The following TERB2 variants were observed in gnomAD, a reference collection of about 807,000 sequenced individuals.
The protein encoded by TERB2 is telomere repeats-binding bouquet formation protein 2.
TERB2 carries 26 observed loss-of-function variants against 29.8 expected under a neutral mutation model. The ratio of observed to expected loss-of-function variants is 0.87; its 90% CI spans 0.64 to 1.21. The LOEUF (loss-of-function observed/expected upper bound fraction) is 1.21. Among genes scored for constraint, TERB2 ranks in the 50% most tolerant of loss-of-function variants. The pLI, the probability that TERB2 is intolerant of heterozygous loss-of-function variation, is 0.00. For synonymous variants in TERB2, 80 were observed against 90.8 expected (o/e 0.88, Z 0.68); for missense variants, 240 against 268.6 (o/e 0.89, Z 0.74).
intron 4 of TERB2, among the ~76,000 whole-genome samples, chr15:44,962,469 G>A (rs1301608401): frequency 2.0e-5 from 3 of 152,074 alleles, no homozygotes; most frequent in African/African-American, 7.2e-5. Flanking sequence ...GATTACAGGC[G>A]TGAGCCACCG....
At chr15:44,972,339 T>C (rs920597429) in intron 5 of TERB2, among the ~76,000 whole-genome samples, 7 of 152,032 alleles carry the variant, frequency 4.6e-5, no homozygotes, top group African/African-American at 9.7e-5. Context: ...TACTTCTAGA[T>C]TTTTAGGAAA....
chr15:44,961,191 G>GATATATATATATATAT (rs34640759), intron 3 of TERB2, among the ~76,000 whole-genome samples: 137 of 136,222 alleles, frequency 1.0e-3, no homozygotes, highest in African/African-American at 1.8e-3. Flanking sequence ...ATACCTCAAT[G>GATATATATATATATAT]ATATATATAT....
chr15:44,970,667 T>G (rs941322369), intron 5 of TERB2: 1 of 169,836 alleles, frequency 5.9e-6, no homozygotes, highest in African/African-American at 2.4e-5. Flanking sequence ...CATCAACTCT[T>G]GTTCCAAACC....
At chr15:44,958,856 G>T (rs905237115) in intron 3 of TERB2, among the ~76,000 whole-genome samples, 2 of 152,164 alleles carry the variant, frequency 1.3e-5, no homozygotes, top group African/African-American at 4.8e-5. Context: ...CATTTAGCAA[G>T]TTACTTTCTG....
chr15:44,960,322 A>G (rs1212732410), intron 3 of TERB2, among the ~76,000 whole-genome samples: 1 of 152,140 alleles, frequency 6.6e-6, no homozygotes. Flanking sequence ...TGAATTTTAC[A>G]TTTTCTAGTA....
chr15:44,960,478 G>A (rs1249512487), intron 3 of TERB2, among the ~76,000 whole-genome samples: 1 of 152,124 alleles, frequency 6.6e-6, no homozygotes, highest in African/African-American at 2.4e-5. Flanking sequence ...AATAGCCACT[G>A]CATTCCAGCC....
At chr15:44,967,202 T>C (rs1419844857) in intron 5 of TERB2, among the ~76,000 whole-genome samples, 1 of 152,220 alleles carries the variant, frequency 6.6e-6, no homozygotes, top group Non-Finnish European at 1.5e-5. Context: ...TTATACATGA[T>C]CTAGTCCTAG....
chr15:44,975,435 T>C (rs1422094503), intron 6 of TERB2, among the ~76,000 whole-genome samples: 1 of 152,136 alleles, frequency 6.6e-6, no homozygotes, highest in Non-Finnish European at 1.5e-5. Context: ...GTGGTATCAA[T>C]TTTTGTGACT....
intron 5 of TERB2, among the ~76,000 whole-genome samples, chr15:44,969,367 C>G (rs1891935208): frequency 6.6e-6 from 1 of 152,128 alleles, no homozygotes. Flanking sequence ...CTAGGCCTCC[C>G]AAAGTGCTGG....
In TERB2 at chr15:44,971,803, CACA is replaced by C. The variant is rs199576649; in HGVS notation, c.435-2060_435-2058del. On this transcript the variant is annotated intron_variant, in intron 5 of 6. Coordinates refer to ENST00000340827, the MANE Select transcript of TERB2 (RefSeq NM_152448.3). ...AAAATAATGAAAGTATTCCTTCTTT[CACA>C]ACATCTCTTCCTTTTCATCCCCCCC... 5.7e-3 allele frequency among the ~76,000 whole-genome samples: 856 copies of C among 151,308 alleles called. 3 individuals carry two copies. Among genetic ancestry groups the C allele is most frequent in the Non-Finnish European group, 7.2e-3 (488 of 67,860 alleles).
intron 5 of TERB2, chr15:44,970,733 T>C (rs1418698518): frequency 1.8e-5 from 3 of 167,996 alleles, no homozygotes; most frequent in East Asian, 1.6e-4. Context: ...TGAAGGTGGA[T>C]TGAAATTCCT....
rs1371698692 is a variant in TERB2 at position 44,978,432 on chromosome 15, A to G, written c.524-57A>G. ...CTCTAATAAATCAAAGACACTGAAA[A>G]GCAAATAGTATGAGCGGGTTTTAAG... On this transcript the variant is annotated intron_variant, in intron 6 of 6. Coordinates refer to ENST00000340827, the MANE Select transcript of TERB2 (RefSeq NM_152448.3). The G allele has an allele frequency of 8.2e-6, 12 of 1,461,612 alleles. No homozygotes were observed. In the East Asian group the frequency reaches 2.9e-4, roughly 35 times the overall value. 90.5% of individuals were successfully genotyped at this position (1,461,612 alleles called of 1,614,324 possible). A position where few individuals can be genotyped will look rare whatever the true frequency, so the allele number is the denominator to read the frequency against.
intron 6 of TERB2, chr15:44,976,256 G>A (rs772822616): frequency 1.3e-5 from 2 of 152,244 alleles, no homozygotes; most frequent in East Asian, 1.9e-4. Context: ...CTAGCTGGAT[G>A]CTTCTGTCTC....
Position 44,958,431 on chromosome 15 carries a change from C to G in TERB2, c.205C>G (p.Leu69Val), listed in dbSNP as rs112090849. ...DNATVFHAYYLSAVANAKIKN... is the reference protein window; with the variant it reads ...DNATVFHAYYVSAVANAKIKN... ...TGCTACAGTTTTTCATGCCTACTAT[C>G]TCTCTGCGGTAGCTAATGCCAAAAT... Residue 69 changes from leucine to valine, a missense_variant, in exon 3 of 7, where the codon CTC becomes GTC. By Grantham distance (32) the Leu-to-Val change is conservative. Transcript: ENST00000340827. The G allele has an allele frequency of 1.6e-5, 26 of 1,613,970 alleles. No homozygotes were observed. The African/African-American group carries it at 2.9e-4, about 18-fold the overall frequency.
intron 4 of TERB2, among the ~76,000 whole-genome samples, chr15:44,962,183 CT>C (rs776185424): frequency 0.021 from 2,874 of 138,080 alleles, 16 homozygotes; most frequent in Middle Eastern, 0.042. Flanking sequence ...TTTACCAGTT[CT>C]TTTTTTTTTT....
intron 3 of TERB2, 103 bp from the exon 4 acceptor site, chr15:44,961,420 A>C: frequency 1.3e-6 from 1 of 747,750 alleles, no homozygotes; most frequent in South Asian, 1.7e-5. Flanking sequence ...TTTTGTTGCA[A>C]ATAGAATAAC....
In TERB2 at chr15:44,956,974, T is replaced by C. The variant is rs1225101787; in HGVS notation, c.143T>C (p.Leu48Pro). 6.2e-7 allele frequency: 1 copy of C among 1,613,104 alleles called. No homozygotes were observed. Among genetic ancestry groups the C allele is most frequent in the Admixed American group, 1.7e-5 (1 of 60,016 alleles). ...TGTGATGCCTCGCACCCAGACACGC[T>C]GAGGTACTGAGGGCGACCTGGCAGT... The part of the protein sequence containing the change: ...FSCDASHPDT[L>P]RIYQSLDYIE... Residue 48 changes from leucine to proline, a missense_variant, in exon 2 of 7, where the codon CTG becomes CCG. Leu to Pro is a moderately conservative substitution (Grantham distance 98). Transcript: ENST00000340827.
At chr15:44,959,685 G>T (rs1162431882) in intron 3 of TERB2, among the ~76,000 whole-genome samples, 1 of 152,052 alleles carries the variant, frequency 6.6e-6, no homozygotes, top group Non-Finnish European at 1.5e-5. Flanking sequence ...ACTTTAACTA[G>T]CCCATGGGTA....
rs775339550 is a variant in TERB2 at position 44,956,738 on chromosome 15, G to C, written c.20G>C (p.Gly7Ala). 1.5e-5 allele frequency: 24 copies of C among 1,612,270 alleles called. No individual in the cohort carries two copies. The East Asian group carries it at 4.9e-4, about 33-fold the overall frequency. The change falls in exon 1 of 7, where the codon GGT becomes GCT. Residue 7 changes from glycine to alanine, a missense_variant. By Grantham distance (60) the Gly-to-Ala change is moderately conservative. Transcript: ENST00000340827. MFQGQR[G>A]WFCGSVSQDL... ...GACGCCATGTTTCAAGGGCAGCGCG[G>C]TTGGTTTTGCGGCAGCGTTAGCCAG...
Sources: allele counts gnomAD v4.1 joint callset (sites outside exome capture counted in the v4.1 genomes callset), GRCh38; gene constraint gnomAD v4.1.1; transcripts MANE v1.5; gene names NCBI Gene and HGNC (gene_info 2026-07-23, HGNC 2026-07-21).